Variants in CNTNAP2 observed in about 807,000 individuals in gnomAD.
CNTNAP2 encodes the protein contactin-associated protein-like 2.
Under a neutral mutation model 155.2 loss-of-function variants are expected in CNTNAP2, and 98 were observed. The ratio of observed to expected loss-of-function variants is 0.63; its 90% CI spans 0.54 to 0.75. The LOEUF (loss-of-function observed/expected upper bound fraction) is 0.75. Ranked by LOEUF, CNTNAP2 falls within the 30% of genes least tolerant of loss-of-function variation. The pLI is 0.00. For synonymous variants in CNTNAP2, 651 were observed against 631.2 expected (o/e 1.03, Z -0.47); for missense variants, 1,727 against 1,688.1 (o/e 1.02, Z -0.40).
intron 12 of CNTNAP2, among the ~76,000 whole-genome samples, chr7:147,573,950 C>T (rs1309281743): frequency 6.6e-6 from 1 of 152,062 alleles, no homozygotes; most frequent in African/African-American, 2.4e-5. Context: ...GTTTTTGTTC[C>T]AGATGTTCTG....
intron 1 of CNTNAP2, among the ~76,000 whole-genome samples, chr7:146,146,650 A>G (rs893186290): frequency 2.0e-5 from 3 of 152,148 alleles, no homozygotes; most frequent in Non-Finnish European, 4.4e-5. Context: ...CATAATATTT[A>G]TAAAGTAGTG....
At chr7:146,761,262 A>T (rs951293603) in intron 1 of CNTNAP2, among the ~76,000 whole-genome samples, 3 of 151,672 alleles carry the variant, frequency 2.0e-5, no homozygotes, top group Non-Finnish European at 4.4e-5. Context: ...ATGAATGCAG[A>T]ATTACTAATT....
At chr7:148,210,893 C>A in intron 18 of CNTNAP2, among the ~76,000 whole-genome samples, 1 of 152,208 alleles carries the variant, frequency 6.6e-6, no homozygotes. Flanking sequence ...GGAGAAAAAG[C>A]AGATTTTGCC....
chr7:147,441,222 G>C (rs1797630908), intron 10 of CNTNAP2, among the ~76,000 whole-genome samples: 1 of 151,690 alleles, frequency 6.6e-6, no homozygotes, highest in Non-Finnish European at 1.5e-5. Flanking sequence ...TCTTCTGCTT[G>C]ATCAATTCAG....
At chr7:146,483,281 AAATATATATATATATATATATAT>A (rs1334786163) in intron 1 of CNTNAP2, among the ~76,000 whole-genome samples, 1 of 58,030 alleles carries the variant, frequency 1.7e-5, no homozygotes, top group Admixed American at 1.7e-4. Context: ...GTCTAAAAAA[AAATATATATATATATATATATAT>A]ATATATATAT....
At chr7:146,354,020 A>G (rs1444325685) in intron 1 of CNTNAP2, among the ~76,000 whole-genome samples, 2 of 152,200 alleles carry the variant, frequency 1.3e-5, no homozygotes, top group African/African-American at 2.4e-5. Flanking sequence ...ATATACTGCT[A>G]ACTTAAATTG....
At chr7:147,397,770 A>C (rs559569737) in intron 10 of CNTNAP2, among the ~76,000 whole-genome samples, 1 of 145,972 alleles carries the variant, frequency 6.9e-6, no homozygotes, top group East Asian at 2.0e-4. Context: ...GATACACAAA[A>C]TTTTTTTTTT....
At chr7:146,833,033 T>A (rs1394877662) in intron 2 of CNTNAP2, among the ~76,000 whole-genome samples, 2 of 152,142 alleles carry the variant, frequency 1.3e-5, no homozygotes, top group Admixed American at 1.3e-4. Flanking sequence ...ATATAATTGG[T>A]AGCCTTTCCT....
intron 3 of CNTNAP2, among the ~76,000 whole-genome samples, chr7:147,007,707 T>C (rs1055672790): frequency 3.9e-5 from 6 of 152,062 alleles, no homozygotes; most frequent in Non-Finnish European, 7.4e-5. Context: ...TCAGCTTTCA[T>C]AAAATTAAAT....
At chr7:146,465,734 C>T (rs1440800809) in intron 1 of CNTNAP2, among the ~76,000 whole-genome samples, 4 of 152,042 alleles carry the variant, frequency 2.6e-5, no homozygotes, top group East Asian at 1.9e-4. Context: ...GAGATTGATA[C>T]GGCAGGATAG....
intron 6 of CNTNAP2, among the ~76,000 whole-genome samples, chr7:147,128,124 A>G (rs1801277755): frequency 6.6e-6 from 1 of 152,158 alleles, no homozygotes; most frequent in Non-Finnish European, 1.5e-5. Flanking sequence ...CCCAAATCCT[A>G]AGTGGTCCCT....
At chr7:147,382,210 T>G (rs1796548731) in intron 9 of CNTNAP2, among the ~76,000 whole-genome samples, 1 of 152,268 alleles carries the variant, frequency 6.6e-6, no homozygotes, top group East Asian at 1.9e-4. Flanking sequence ...GTTTGTTTTA[T>G]TAAATAAATA....
chr7:146,994,875 T>C (rs2129239545), intron 3 of CNTNAP2, among the ~76,000 whole-genome samples: 1 of 98,396 alleles, frequency 1.0e-5, no homozygotes, highest in Non-Finnish European at 2.8e-5. Flanking sequence ...CAACTCTCTT[T>C]GTGTTTTTTA....
chr7:147,564,883 G>C (rs1800138957), intron 12 of CNTNAP2, among the ~76,000 whole-genome samples: 1 of 152,150 alleles, frequency 6.6e-6, no homozygotes, highest in Admixed American at 6.5e-5. Context: ...ACATCAGTGT[G>C]TTCAAGGACC....
intron 12 of CNTNAP2, among the ~76,000 whole-genome samples, chr7:147,565,316 G>T (rs1173655587): frequency 2.6e-5 from 4 of 152,170 alleles, no homozygotes; most frequent in African/African-American, 9.7e-5. Context: ...GGAAAGGTGG[G>T]TGGGGGCAGG....
chr7:146,348,189 T>C (rs756765973), intron 1 of CNTNAP2, among the ~76,000 whole-genome samples: 35 of 152,016 alleles, frequency 2.3e-4, no homozygotes, highest in Non-Finnish European at 4.3e-4. Context: ...GGAGGCCTAG[T>C]GGGCGAGTCA....
intron 1 of CNTNAP2, among the ~76,000 whole-genome samples, chr7:146,479,578 A>T (rs1251600471): frequency 6.6e-6 from 1 of 152,146 alleles, no homozygotes; most frequent in African/African-American, 2.4e-5. Context: ...CTCTATTCTC[A>T]GTGTCTAAAC....
intron 1 of CNTNAP2, among the ~76,000 whole-genome samples, chr7:146,389,657 T>G (rs1199827047): frequency 6.6e-6 from 1 of 151,474 alleles, no homozygotes; most frequent in Admixed American, 6.6e-5. Flanking sequence ...CTGCATTGTC[T>G]TTTCTCTGAG....
At chr7:147,933,533 ATAGATAGATAT>A (rs780447578) in intron 14 of CNTNAP2, among the ~76,000 whole-genome samples, 18,875 of 150,490 alleles carry the variant, frequency 0.13, 1,606 homozygotes, top group East Asian at 0.31. Flanking sequence ...AGATAGATAG[ATAGATAGATAT>A]AACAGAATAT....
Sources: gnomAD v4.1 joint callset for allele counts (sites outside exome capture counted in the v4.1 genomes callset) on GRCh38, gnomAD v4.1.1 for gene constraint, MANE v1.5 for transcripts, NCBI Gene and HGNC (gene_info 2026-07-23, HGNC 2026-07-21) for gene names.